The following ADAMTS17 variants were observed in gnomAD, a reference collection of about 807,000 sequenced individuals.
The protein encoded by ADAMTS17 is A disintegrin and metalloproteinase with thrombospondin motifs 17.
ADAMTS17 carries 113 observed loss-of-function variants against 141.5 expected under a neutral mutation model. The ratio of observed to expected loss-of-function variants is 0.80; its 90% CI spans 0.69 to 0.93. The LOEUF is 0.93. Among genes scored for constraint, ADAMTS17 ranks in the 40% least tolerant of loss-of-function variants. ADAMTS17 has a pLI of 0.00. For missense variants in ADAMTS17, 1,659 were observed against 1,517.9 expected (o/e 1.09, Z -1.54); for synonymous variants, 768 against 630.6 (o/e 1.22, Z -3.27).
chr15:100,063,026 G>T (rs1052803279), intron 15 of ADAMTS17, among the ~76,000 whole-genome samples: 1 of 152,170 alleles, frequency 6.6e-6, no homozygotes, highest in Non-Finnish European at 1.5e-5. Flanking sequence ...CTGGGAATTG[G>T]GCCAAGGATA....
chr15:100,085,099 A>G (rs528863960), intron 15 of ADAMTS17, among the ~76,000 whole-genome samples: 2 of 152,224 alleles, frequency 1.3e-5, no homozygotes, highest in Non-Finnish European at 2.9e-5. Flanking sequence ...CCTTGAAAAA[A>G]TATTAGATGA....
At chr15:99,992,942 G>A (rs944573161) in intron 20 of ADAMTS17, 106 bp downstream of exon 20, 10 of 1,432,134 alleles carry the variant, frequency 7.0e-6, no homozygotes, top group South Asian at 4.7e-5. Context: ...GCCTAGTTAC[G>A]CTGGGACTGC....
chr15:100,279,514 T>C (rs928145787), intron 4 of ADAMTS17, among the ~76,000 whole-genome samples: 15 of 152,206 alleles, frequency 9.9e-5, no homozygotes, highest in Admixed American at 2.6e-4. Flanking sequence ...CTGCACCCAT[T>C]TCGTTTAACC....
chr15:100,206,093 C>T (rs117166970), intron 7 of ADAMTS17, among the ~76,000 whole-genome samples: 37 of 152,356 alleles, frequency 2.4e-4, no homozygotes, highest in Non-Finnish European at 4.4e-4. Flanking sequence ...CCATGGGTGG[C>T]TCCCTGTGTG....
At chr15:100,040,744 A>C (rs1440830846) in intron 18 of ADAMTS17, among the ~76,000 whole-genome samples, 1 of 152,094 alleles carries the variant, frequency 6.6e-6, no homozygotes, top group Non-Finnish European at 1.5e-5. Flanking sequence ...CTTAATTTAG[A>C]TAAATAAGGT....
chr15:100,291,994 G>A lies in ADAMTS17; in HGVS notation c.617-10593C>T, dbSNP rs182578486. On this transcript the variant is annotated intron_variant, in intron 3 of 21. Coordinates refer to ENST00000268070, the MANE Select transcript of ADAMTS17 (RefSeq NM_139057.4). ...ACTAAAGGTCAACACGGTAGCTCTC[G>A]TGATAAAAATTATGAGACACTCACC... 1.1e-4 allele frequency among the ~76,000 whole-genome samples: 17 copies of A among 152,372 alleles called. No homozygotes were observed. In the South Asian group the frequency reaches 1.4e-3, roughly 13 times the overall value.
chr15:99,998,694 G>A (rs577555757), intron 18 of ADAMTS17, among the ~76,000 whole-genome samples: 18 of 152,304 alleles, frequency 1.2e-4, no homozygotes, highest in African/African-American at 3.6e-4. Context: ...GCCTCAGGGC[G>A]CTGGAAAGCA....
At chr15:100,080,431 G>A (rs555975362) in intron 15 of ADAMTS17, among the ~76,000 whole-genome samples, 165 of 152,206 alleles carry the variant, frequency 1.1e-3, no homozygotes, top group Middle Eastern at 3.4e-3. Context: ...CCATTAGGGC[G>A]TCTCTTAGTA....
chr15:100,322,566 G>A (rs932037094), intron 3 of ADAMTS17, among the ~76,000 whole-genome samples: 1 of 152,202 alleles, frequency 6.6e-6, no homozygotes, highest in Non-Finnish European at 1.5e-5. Context: ...CTTGGAAAAT[G>A]TGACCCCTTT....
intron 2 of ADAMTS17, 52 bp from the exon 3 acceptor site, chr15:100,331,106 G>A (rs112880850): frequency 2.5e-6 from 4 of 1,609,136 alleles, no homozygotes; most frequent in South Asian, 1.1e-5. Context: ...ACTCACACAC[G>A]CCCATGGCCC....
At chr15:100,203,079 GCT>G (rs2041397382) in intron 7 of ADAMTS17, among the ~76,000 whole-genome samples, 1 of 152,132 alleles carries the variant, frequency 6.6e-6, no homozygotes, top group Non-Finnish European at 1.5e-5. Context: ...CCTCTAATGG[GCT>G]TGACTGCTCT....
At chr15:100,085,962 T>C (rs959833085) in intron 15 of ADAMTS17, among the ~76,000 whole-genome samples, 9 of 151,596 alleles carry the variant, frequency 5.9e-5, no homozygotes, top group East Asian at 1.9e-4. Flanking sequence ...AACCAGCTAA[T>C]ATCATAATGA....
At chr15:100,285,592 C>T (rs1456445054) in intron 3 of ADAMTS17, among the ~76,000 whole-genome samples, 1 of 152,238 alleles carries the variant, frequency 6.6e-6, no homozygotes, top group Non-Finnish European at 1.5e-5. Flanking sequence ...ATTCTACCAA[C>T]GCCATTTCCA....
chr15:100,208,242 C>T lies in ADAMTS17; in HGVS notation c.1076-8819G>A, dbSNP rs867154406. Among the ~76,000 whole-genome samples, 10 of 152,302 alleles carry T rather than the reference C, an allele frequency of 6.6e-5. 1 individual carries two copies. Among genetic ancestry groups the T allele is most frequent in the Middle Eastern group, 6.8e-3 (2 of 294 alleles). ...TTAGCGAATCTCAATGAAAACCGAG[C>T]GGCAACAGGCATTCCGGGTGTGCAG... is the stretch of plus-strand genomic sequence containing the variant. On this transcript the variant is annotated intron_variant, in intron 7 of 21. Transcript: ENST00000268070.
At position 100,050,077 on chromosome 15, in the gene ADAMTS17, C is replaced by A. The variant is rs181939432; in HGVS notation, c.2456-1085G>T. ...GGCAATTTGTCATGTAGGGATGACTCGAAATCATGGAGACCTGAACTCCAC... is the reference window on the plus strand; with the variant it reads ...GGCAATTTGTCATGTAGGGATGACTAGAAATCATGGAGACCTGAACTCCAC... On this transcript the variant is annotated intron_variant, in intron 17 of 21. Transcript: ENST00000268070. Among the ~76,000 whole-genome samples, 192 of 152,274 alleles carry A rather than the reference C, an allele frequency of 1.3e-3. 1 individual carries two copies. Among genetic ancestry groups the A allele is most frequent in the African/African-American group, 4.5e-3 (189 of 41,548 alleles).
At chr15:100,038,231 C>G (rs370087098) in intron 18 of ADAMTS17, among the ~76,000 whole-genome samples, 12 of 152,340 alleles carry the variant, frequency 7.9e-5, no homozygotes, top group African/African-American at 2.9e-4. Flanking sequence ...TTCTTTATGT[C>G]TATCCTTATG....
At chr15:100,140,488 C>CATACAT (rs1386955753) in intron 10 of ADAMTS17, among the ~76,000 whole-genome samples, 4 of 124,936 alleles carry the variant, frequency 3.2e-5, no homozygotes, top group Non-Finnish European at 7.0e-5. Flanking sequence ...CACATACATA[C>CATACAT]ATATATATAT....
chr15:100,200,270 G>A (rs2041275646), intron 7 of ADAMTS17, among the ~76,000 whole-genome samples: 1 of 152,204 alleles, frequency 6.6e-6, no homozygotes, highest in African/African-American at 2.4e-5. Flanking sequence ...GCCACTGCAG[G>A]AGGGGCAGGT....
chr15:100,182,404 G>T (rs2040556112), intron 8 of ADAMTS17, among the ~76,000 whole-genome samples: 1 of 152,142 alleles, frequency 6.6e-6, no homozygotes. Flanking sequence ...AGATTTGGGT[G>T]GGGACACAGA....
Sources: allele counts gnomAD v4.1 joint callset (sites outside exome capture counted in the v4.1 genomes callset), GRCh38; gene constraint gnomAD v4.1.1; transcripts MANE v1.5; gene names NCBI Gene and HGNC (gene_info 2026-07-23, HGNC 2026-07-21).